The following CCDC6 variants were observed in gnomAD, a reference collection of about 807,000 sequenced individuals.
The protein encoded by CCDC6 is coiled-coil domain containing 6, also known as coiled-coil domain-containing protein 6.
CCDC6 carries 20 observed loss-of-function variants against 56.6 expected under a neutral mutation model. The ratio of observed to expected loss-of-function variants is 0.35; its 90% confidence interval spans 0.25 to 0.51. The LOEUF (loss-of-function observed/expected upper bound fraction) is 0.51. Ranked by LOEUF, CCDC6 falls within the 20% of genes least tolerant of loss-of-function variation. The probability of loss-of-function intolerance (pLI) is 0.95; values close to 1 mark genes in which losing one functional copy is unlikely to be tolerated. For missense variants in CCDC6, 367 were observed against 601.1 expected (o/e 0.61, Z 4.07); for synonymous variants, 241 against 234.4 (o/e 1.03, Z -0.26).
intron 5 of CCDC6, among the ~76,000 whole-genome samples, chr10:59,807,444 A>G (rs2070635473): frequency 6.6e-6 from 1 of 152,206 alleles, no homozygotes. Context: ...AGACTGAGCT[A>G]CTGCACTTCA....
At chr10:59,798,436 T>C (rs1281066460) in intron 7 of CCDC6, among the ~76,000 whole-genome samples, 1 of 152,264 alleles carries the variant, frequency 6.6e-6, no homozygotes. Context: ...ATTTTGTGAT[T>C]TGACTATGAA....
chr10:59,850,867 T>C (rs1301877365), intron 2 of CCDC6, among the ~76,000 whole-genome samples: 4 of 152,168 alleles, frequency 2.6e-5, no homozygotes, highest in East Asian at 3.8e-4. Context: ...TCCTTTGCTG[T>C]TGCATTATGT....
At chr10:59,876,824 T>G (rs1343721958) in intron 1 of CCDC6, among the ~76,000 whole-genome samples, 1 of 152,216 alleles carries the variant, frequency 6.6e-6, no homozygotes, top group Non-Finnish European at 1.5e-5. Context: ...ATTGAGATTT[T>G]TTGAATACAG....
chr10:59,815,556 GTGAAACAGTA>G (rs1360867289), intron 3 of CCDC6, among the ~76,000 whole-genome samples: 1 of 152,144 alleles, frequency 6.6e-6, no homozygotes, highest in African/African-American at 2.4e-5. Flanking sequence ...TTATATACTT[GTGAAACAGTA>G]TGAAACAGAT....
chr10:59,876,437 G>A (rs1334652785), intron 1 of CCDC6, among the ~76,000 whole-genome samples: 11 of 151,804 alleles, frequency 7.2e-5, no homozygotes, highest in Admixed American at 5.9e-4. Context: ...TTCTGTCACC[G>A]TAAAAGTTTC....
chr10:59,838,985 A>G (rs1214838019), intron 2 of CCDC6, among the ~76,000 whole-genome samples: 2 of 152,150 alleles, frequency 1.3e-5, no homozygotes, highest in African/African-American at 4.8e-5. Flanking sequence ...CCATTTCATG[A>G]TGTGTTTCTG....
At chr10:59,844,802 T>C (rs1235850641) in intron 2 of CCDC6, among the ~76,000 whole-genome samples, 5 of 151,448 alleles carry the variant, frequency 3.3e-5, no homozygotes, top group East Asian at 1.9e-4. Context: ...CTCTGGCATA[T>C]TGAAAAATCC....
intron 2 of CCDC6, among the ~76,000 whole-genome samples, chr10:59,850,898 TTA>T (rs1437048085): frequency 6.6e-6 from 1 of 152,044 alleles, no homozygotes; most frequent in African/African-American, 2.4e-5. Flanking sequence ...TCATTCTTTT[TTA>T]TGTTTTCATT....
At chr10:59,881,237 A>T (rs916333557) in intron 1 of CCDC6, among the ~76,000 whole-genome samples, 1 of 152,154 alleles carries the variant, frequency 6.6e-6, no homozygotes, top group African/African-American at 2.4e-5. Flanking sequence ...CCTGATACTG[A>T]CAGTCACCCC....
intron 1 of CCDC6, among the ~76,000 whole-genome samples, chr10:59,862,260 G>T (rs949949982): frequency 1.3e-5 from 2 of 151,844 alleles, no homozygotes; most frequent in African/African-American, 4.8e-5. Context: ...CCCGAGGCAG[G>T]TGGATCACCT....
intron 1 of CCDC6, among the ~76,000 whole-genome samples, chr10:59,883,641 A>T (rs2071362456): frequency 6.6e-6 from 1 of 152,248 alleles, no homozygotes; most frequent in Non-Finnish European, 1.5e-5. Context: ...ATCCAACTGG[A>T]CCATAATATT....
At position 59,873,123 on chromosome 10, in the gene CCDC6, C is replaced by T. The variant is rs534003268; in HGVS notation, c.304-20421G>A. Among the ~76,000 whole-genome samples, 10 of 152,220 alleles carry T rather than the reference C, an allele frequency of 6.6e-5. No individual in the cohort carries two copies. In the East Asian group the frequency reaches 1.2e-3, roughly 18 times the overall value. ...AATCCTCTGGCGGTGCTACAGTATA[C>T]GTGGTAGGTGCTCAGTACCTTTCCA... On this transcript the variant is annotated intron_variant, in intron 1 of 8. Coordinates refer to ENST00000263102, the MANE Select transcript of CCDC6 (RefSeq NM_005436.5).
intron 7 of CCDC6, among the ~76,000 whole-genome samples, chr10:59,801,797 C>T (rs2132624930): frequency 6.6e-6 from 1 of 152,186 alleles, no homozygotes; most frequent in South Asian, 2.1e-4. Context: ...ATTAATACTG[C>T]TCAAATTGTC....
chr10:59,841,696 G>A (rs1460025228), intron 2 of CCDC6, among the ~76,000 whole-genome samples: 2 of 151,182 alleles, frequency 1.3e-5, no homozygotes, highest in Non-Finnish European at 2.9e-5. Flanking sequence ...TTGAGACGGA[G>A]TCACTCTGTC....
chr10:59,906,509 C>A lies in CCDC6; in HGVS notation c.-85G>T. On this transcript the variant is annotated 5_prime_UTR_variant, in exon 1 of 9. Coordinates refer to ENST00000263102, the MANE Select transcript of CCDC6 (RefSeq NM_005436.5). ...GGGCTGCGAATGAGTGGGCGCCGGG[C>A]GAGCACAGGGGAGCGCCGAGCTGAG... The A allele has an allele frequency of 8.1e-7, 1 of 1,232,206 alleles. No individual in the cohort carries two copies. The highest frequency in any genetic ancestry group is 2.9e-5 in the East Asian group (1 of 34,312). The allele number at this position is 1,232,206 out of a possible 1,614,324, so 76.3% of individuals were successfully genotyped here.
chr10:59,902,388 C>CTT (rs35175510), intron 1 of CCDC6, among the ~76,000 whole-genome samples: 176 of 88,396 alleles, frequency 2.0e-3, no homozygotes, highest in African/African-American at 3.5e-3. Context: ...AACAGTAACT[C>CTT]TTTTTTTTTT....
rs1003263128 is a variant in CCDC6, at chr10:59,792,783, A to T, written c.*134T>A. The T allele has an allele frequency of 1.1e-6, 1 of 929,750 alleles. No individual in the cohort carries two copies. The highest frequency in any genetic ancestry group is 1.8e-6 in the Non-Finnish European group (1 of 563,722). The allele number at this position is 929,750 out of a possible 1,614,324, so 57.6% of individuals were successfully genotyped here. ...CATTTCTGACAAACATTTACAACAC[A>T]ATGGATAGTGAAGCCTAGATAACCT... is the stretch of plus-strand genomic sequence containing the variant. On this transcript the variant is annotated 3_prime_UTR_variant, in exon 9 of 9. Transcript: ENST00000263102.
intron 1 of CCDC6, among the ~76,000 whole-genome samples, chr10:59,886,067 A>G (rs1368567147): frequency 6.6e-6 from 1 of 152,214 alleles, no homozygotes; most frequent in Non-Finnish European, 1.5e-5. Context: ...GTTATTTGTA[A>G]TATCTGTGAG....
At chr10:59,848,149 C>A (rs984196651) in intron 2 of CCDC6, among the ~76,000 whole-genome samples, 1 of 152,174 alleles carries the variant, frequency 6.6e-6, no homozygotes, top group South Asian at 2.1e-4. Context: ...CCTAAGCTAC[C>A]CAGAACTGCC....
Sources: allele counts gnomAD v4.1 joint callset (sites outside exome capture counted in the v4.1 genomes callset), GRCh38; gene constraint gnomAD v4.1.1; transcripts MANE v1.5; gene names NCBI Gene and HGNC (gene_info 2026-07-23, HGNC 2026-07-21).